Variants in NIPBL observed in about 807,000 individuals in gnomAD.
NIPBL encodes the protein NIPBL cohesin loading factor, also known as nipped-B-like protein.
In NIPBL, 19 loss-of-function variants were observed where a neutral mutation model predicts 321.8. The ratio of observed to expected loss-of-function variants is 0.06; its 90% CI spans 0.04 to 0.09. NIPBL has a LOEUF of 0.09. Among genes scored for constraint, NIPBL ranks in the 10% least tolerant of loss-of-function variants. NIPBL has a pLI of 1.00. For missense variants in NIPBL, 2,210 were observed against 3,327.0 expected (o/e 0.66, Z 8.26); for synonymous variants, 1,106 against 1,114.1 (o/e 0.99, Z 0.14).
intron 1 of NIPBL, among the ~76,000 whole-genome samples, chr5:36,900,792 T>G (rs1450502449): frequency 1.3e-5 from 2 of 152,064 alleles, no homozygotes; most frequent in Non-Finnish European, 2.9e-5. Flanking sequence ...CATTGCATGA[T>G]TTTTTTTCCT....
chr5:37,010,460 C>A (rs1468444779), intron 21 of NIPBL, among the ~76,000 whole-genome samples: 2 of 152,100 alleles, frequency 1.3e-5, no homozygotes, highest in African/African-American at 4.8e-5. Flanking sequence ...GGATTACAGG[C>A]ACGCACCACC....
At chr5:37,017,646 A>C (rs1749144226) in intron 24 of NIPBL, among the ~76,000 whole-genome samples, 1 of 151,466 alleles carries the variant, frequency 6.6e-6, no homozygotes, top group Non-Finnish European at 1.5e-5. Flanking sequence ...GTAGTAATAA[A>C]GTTACTTGAG....
chr5:37,058,281 A>G lies in NIPBL; in HGVS notation c.7411-610A>G, dbSNP rs1013322444. 3.3e-4 allele frequency among the ~76,000 whole-genome samples: 50 copies of G among 152,138 alleles called. 1 individual carries two copies. The highest frequency in any genetic ancestry group is 3.1e-3 in the Admixed American group (48 of 15,274). ...TTTAGCCCTCATGTTCTCTTATTTT[A>G]CCTACTTACTGGTATGGCTATCTTT... On this transcript the variant is annotated intron_variant, in intron 43 of 46. Coordinates refer to ENST00000282516, the MANE Select transcript of NIPBL (RefSeq NM_133433.4).
At position 37,064,963 on chromosome 5, in the gene NIPBL, C is replaced by A. The variant is rs1469006967; in HGVS notation, c.*71C>A. 18 of 1,576,956 alleles carry A rather than the reference C, an allele frequency of 1.1e-5. No individual in the cohort carries two copies. The African/African-American group carries it at 2.2e-4, about 19-fold the overall frequency. Reference sequence around the variant, plus strand: ...CAGAAAAACTTGAAATACCAACATTCTGGCAAAAAAAAATCAGTTTTATGA... The same window carrying A: ...CAGAAAAACTTGAAATACCAACATTATGGCAAAAAAAAATCAGTTTTATGA... On this transcript the variant is annotated 3_prime_UTR_variant, in exon 47 of 47. Transcript: ENST00000282516.
chr5:36,910,254 G>C (rs1340721618), intron 1 of NIPBL, among the ~76,000 whole-genome samples: 33 of 152,126 alleles, frequency 2.2e-4, no homozygotes, highest in Admixed American at 2.1e-3. Context: ...TGTTTTTCTA[G>C]AACATGATTG....
intron 9 of NIPBL, among the ~76,000 whole-genome samples, chr5:36,978,153 C>T (rs1289329996): frequency 6.6e-6 from 1 of 151,982 alleles, no homozygotes; most frequent in Non-Finnish European, 1.5e-5. Context: ...AATGGTAGTT[C>T]TATTTTTTGT....
intron 2 of NIPBL, among the ~76,000 whole-genome samples, chr5:36,954,717 G>C (rs1740752388): frequency 6.6e-6 from 1 of 152,062 alleles, no homozygotes; most frequent in African/African-American, 2.4e-5. Flanking sequence ...TGAGAATCCT[G>C]TTGGTACCTA....
intron 21 of NIPBL, among the ~76,000 whole-genome samples, chr5:37,013,050 C>CT (rs1748373989): frequency 6.6e-6 from 1 of 151,168 alleles, no homozygotes; most frequent in African/African-American, 2.4e-5. Flanking sequence ...GCTGACCCCC[C>CT]CCCACCTCCC....
intron 1 of NIPBL, among the ~76,000 whole-genome samples, chr5:36,926,983 A>G (rs1418027161): frequency 6.6e-6 from 1 of 152,184 alleles, no homozygotes; most frequent in Non-Finnish European, 1.5e-5. Context: ...CTGAAGCTGA[A>G]CCAAAATGTT....
At chr5:36,920,558 T>G (rs1748853262) in intron 1 of NIPBL, among the ~76,000 whole-genome samples, 1 of 152,208 alleles carries the variant, frequency 6.6e-6, no homozygotes, top group Non-Finnish European at 1.5e-5. Context: ...AACAGTGTTC[T>G]GAAATGAAAA....
In NIPBL at chr5:37,057,347, T is replaced by C; in HGVS notation, c.7410+15T>C. The C allele has an allele frequency of 1.2e-6, 2 of 1,610,428 alleles. No individual in the cohort carries two copies. Among genetic ancestry groups the C allele is most frequent in the African/African-American group, 1.3e-5 (1 of 74,972 alleles). ...CATTCAAGGAGGTAAGTTACACACATTACTATTCTTAATCCATCTGTCAAA... is the reference window on the plus strand; with the variant it reads ...CATTCAAGGAGGTAAGTTACACACACTACTATTCTTAATCCATCTGTCAAA... On this transcript the variant is annotated intron_variant, in intron 43 of 46. Transcript: ENST00000282516.
intron 27 of NIPBL, among the ~76,000 whole-genome samples, chr5:37,021,748 T>C (rs936724337): frequency 7.2e-5 from 11 of 152,224 alleles, no homozygotes; most frequent in Non-Finnish European, 1.5e-4. Flanking sequence ...ACTAAATATC[T>C]TTGATTCAAG....
intron 25 of NIPBL, 45 bp from the exon 26 acceptor site, chr5:37,020,414 T>C: frequency 7.7e-7 from 1 of 1,304,676 alleles, no homozygotes; most frequent in Admixed American, 1.7e-5. Context: ...TTGGAAATCT[T>C]GTTGCTAATT....
At chr5:37,011,150 G>A (rs1224133066) in intron 21 of NIPBL, among the ~76,000 whole-genome samples, 4 of 152,120 alleles carry the variant, frequency 2.6e-5, no homozygotes, top group African/African-American at 4.8e-5. Context: ...TTTTCCAAGT[G>A]TATACTTTTA....
intron 10 of NIPBL, among the ~76,000 whole-genome samples, chr5:36,991,974 A>C (rs1422811232): frequency 6.6e-6 from 1 of 152,210 alleles, no homozygotes; most frequent in East Asian, 1.9e-4. Context: ...TTTTTTGATG[A>C]TTTCTGGTTT....
chr5:37,024,505 C>A, intron 29 of NIPBL, 80 bp from the exon 30 acceptor site: 3 of 1,189,722 alleles, frequency 2.5e-6, no homozygotes, highest in South Asian at 2.7e-5. Flanking sequence ...GAATATACTG[C>A]GTATGGATAC....
At chr5:37,014,948 G>T (rs1320422050) in intron 22 of NIPBL, among the ~76,000 whole-genome samples, 183 bp downstream of exon 22, 1 of 151,658 alleles carries the variant, frequency 6.6e-6, no homozygotes, top group Non-Finnish European at 1.5e-5. Context: ...ATTGGGATGG[G>T]ACTACACGGG....
rs534319970 is a variant in NIPBL at position 37,000,408 on chromosome 5, G to A, written c.3340G>A (p.Ala1114Thr). 64 of 1,613,224 alleles carry A rather than the reference G, an allele frequency of 4.0e-5. 1 individual carries two copies. The South Asian group carries it at 6.4e-4, about 16-fold the overall frequency. ...ACGACATAAAAAAGATGATGATAAA[G>A]CTTGGGAATATGAAGAGCGTGACAG... ...RKRHKKDDDK[A>T]WEYEERDRRS... Residue 1114 changes from alanine to threonine, a missense_variant, in exon 12 of 47, where the codon GCT becomes ACT. Ala to Thr is a moderately conservative substitution (Grantham distance 58). Transcript: ENST00000282516.
chr5:36,950,157 A>G (rs292180), intron 1 of NIPBL, among the ~76,000 whole-genome samples: 24,688 of 151,964 alleles, frequency 0.16, 2,474 homozygotes, highest in East Asian at 0.31. Context: ...GCCCAAGACT[A>G]TGACTTTTAA....
Sources: gnomAD v4.1 joint callset for allele counts (sites outside exome capture counted in the v4.1 genomes callset) on GRCh38, gnomAD v4.1.1 for gene constraint, MANE v1.5 for transcripts, NCBI Gene and HGNC (gene_info 2026-07-23, HGNC 2026-07-21) for gene names.